The following SPPL3 variants were observed in gnomAD, a reference collection of about 807,000 sequenced individuals.
SPPL3 encodes the protein signal peptide peptidase like 3.
A neutral mutation model predicts 42.4 loss-of-function variants in SPPL3; 5 were observed. The observed-to-expected ratio is 0.12, with a 90% confidence interval of 0.06 to 0.25. The LOEUF (loss-of-function observed/expected upper bound fraction) is 0.25, where lower values mean the gene tolerates loss of function less well. Among genes scored for constraint, SPPL3 ranks in the 10% least tolerant of loss-of-function variants. The probability of loss-of-function intolerance (pLI) is 1.00; values close to 1 mark genes in which losing one functional copy is unlikely to be tolerated. For missense variants in SPPL3, 235 were observed against 489.0 expected, an observed-to-expected ratio of 0.48 and a Z score of 4.90; for synonymous variants, 195 against 181.8, an observed-to-expected ratio of 1.07 and a Z score of -0.58.
intron 1 of SPPL3, among the ~76,000 whole-genome samples, chr12:120,884,269 A>G (rs1336905034): frequency 2.0e-5 from 3 of 152,148 alleles, no homozygotes; most frequent in East Asian, 1.9e-4. Context: ...TGGTAATCCT[A>G]TAGTTTCTTT....
chr12:120,858,249 G>T (rs1174887257), intron 1 of SPPL3, among the ~76,000 whole-genome samples: 1 of 152,092 alleles, frequency 6.6e-6, no homozygotes, highest in East Asian at 1.9e-4. Context: ...AGGCCGAGGT[G>T]GTCAGAAGTT....
chr12:120,903,793 G>T, intron 1 of SPPL3, 52 bp downstream of exon 1: 1 of 1,369,790 alleles, frequency 7.3e-7, no homozygotes, highest in Non-Finnish European at 9.5e-7. Context: ...CCGCGCCGGC[G>T]CCCCGACCCC....
chr12:120,828,592 G>C (rs1474656663), intron 1 of SPPL3, among the ~76,000 whole-genome samples: 2 of 152,200 alleles, frequency 1.3e-5, no homozygotes, highest in Non-Finnish European at 2.9e-5. Context: ...GGGAAAAAAA[G>C]TTGGAGGATT....
At chr12:120,792,370 T>C (rs896391123) in intron 2 of SPPL3, among the ~76,000 whole-genome samples, 2 of 152,086 alleles carry the variant, frequency 1.3e-5, no homozygotes, top group African/African-American at 4.8e-5. Context: ...GAAGTATCTG[T>C]CCAAGTTCTT....
intron 1 of SPPL3, among the ~76,000 whole-genome samples, chr12:120,886,924 A>G (rs3897746): frequency 0.41 from 62,548 of 152,002 alleles, 14,470 homozygotes; most frequent in Middle Eastern, 0.56. Flanking sequence ...GTACTAAAAA[A>G]AGTTAAAATG....
chr12:120,782,533 G>A lies in SPPL3; in HGVS notation c.502+122C>T. Reference sequence around the variant, plus strand: ...TGACCGCTCATTTGTTTTGGCGGGGGTGGGTGTGAAAATGCTCTAAAAGTT... The same window carrying A: ...TGACCGCTCATTTGTTTTGGCGGGGATGGGTGTGAAAATGCTCTAAAAGTT... On this transcript the variant is annotated intron_variant, in intron 6 of 10. Coordinates refer to ENST00000353487, the MANE Select transcript of SPPL3 (RefSeq NM_139015.5). 1.0e-5 allele frequency: 7 copies of A among 691,732 alleles called. No individual in the cohort carries two copies. In the South Asian group the frequency reaches 1.4e-4, roughly 14 times the overall value. The allele number at this position is 691,732 out of a possible 1,614,324, so 42.8% of individuals were successfully genotyped here.
At chr12:120,830,007 A>G (rs1304045105) in intron 1 of SPPL3, among the ~76,000 whole-genome samples, 3 of 151,352 alleles carry the variant, frequency 2.0e-5, no homozygotes, top group Admixed American at 1.3e-4. Context: ...AAAAAAAAAA[A>G]AAGAAGAGTA....
At chr12:120,871,573 T>C (rs1872932999) in intron 1 of SPPL3, among the ~76,000 whole-genome samples, 1 of 152,054 alleles carries the variant, frequency 6.6e-6, no homozygotes, top group Non-Finnish European at 1.5e-5. Context: ...GCCAACGTGG[T>C]GAAACCCTGT....
At chr12:120,855,709 AAAG>A (rs1360697101) in intron 1 of SPPL3, among the ~76,000 whole-genome samples, 4 of 150,924 alleles carry the variant, frequency 2.7e-5, no homozygotes, top group Admixed American at 6.6e-5. Context: ...AAAAAAAAGA[AAAG>A]AAAAGAAAAA....
At chr12:120,791,639 T>C in intron 2 of SPPL3, 82 bp from the exon 3 acceptor site, 2 of 859,156 alleles carry the variant, frequency 2.3e-6, no homozygotes, top group Non-Finnish European at 3.7e-6. Flanking sequence ...TATTTTTAAA[T>C]GCCAAGGAAT....
intron 1 of SPPL3, among the ~76,000 whole-genome samples, chr12:120,866,288 G>A (rs1473678092): frequency 3.3e-5 from 5 of 151,916 alleles, no homozygotes; most frequent in Non-Finnish European, 7.3e-5. Flanking sequence ...GTGACCTAAG[G>A]TACCTCCGCC....
chr12:120,820,001 C>G (rs372999207), intron 1 of SPPL3, among the ~76,000 whole-genome samples: 15 of 152,238 alleles, frequency 9.9e-5, no homozygotes, highest in African/African-American at 3.6e-4. Context: ...ACTATGAAAA[C>G]CGTATGACCC....
chr12:120,843,103 A>G (rs1197133238), intron 1 of SPPL3, among the ~76,000 whole-genome samples: 2 of 152,164 alleles, frequency 1.3e-5, no homozygotes, highest in African/African-American at 2.4e-5. Flanking sequence ...CCTATGCTTC[A>G]TTCAACAGTG....
At chr12:120,818,012 A>G (rs534914811) in intron 1 of SPPL3, among the ~76,000 whole-genome samples, 1 of 152,326 alleles carries the variant, frequency 6.6e-6, no homozygotes, top group Admixed American at 6.5e-5. Flanking sequence ...AGTCTGGCCA[A>G]TAATAGGAAA....
intron 1 of SPPL3, among the ~76,000 whole-genome samples, chr12:120,862,091 T>C (rs1048047377): frequency 2.6e-5 from 4 of 152,208 alleles, no homozygotes; most frequent in African/African-American, 9.7e-5. Flanking sequence ...AGGACTCTTG[T>C]TGAGGACCCC....
intron 6 of SPPL3, among the ~76,000 whole-genome samples, chr12:120,774,725 A>C (rs1869250466): frequency 6.6e-6 from 1 of 151,842 alleles, no homozygotes; most frequent in East Asian, 1.9e-4. Flanking sequence ...CCTGCCTTTC[A>C]TTCTGTCATT....
chr12:120,819,356 C>T (rs1362342078), intron 1 of SPPL3, among the ~76,000 whole-genome samples: 2 of 152,180 alleles, frequency 1.3e-5, no homozygotes, highest in African/African-American at 2.4e-5. Context: ...AGTTATGCCG[C>T]TCTTCCAGAT....
At chr12:120,781,027 A>G (rs1209543735) in intron 6 of SPPL3, among the ~76,000 whole-genome samples, 2 of 152,214 alleles carry the variant, frequency 1.3e-5, no homozygotes, top group Non-Finnish European at 2.9e-5. Context: ...GGCTGGGATG[A>G]GCTAGTTCTC....
chr12:120,892,523 A>G (rs1404227742), intron 1 of SPPL3, among the ~76,000 whole-genome samples: 1 of 152,212 alleles, frequency 6.6e-6, no homozygotes, highest in African/African-American at 2.4e-5. Flanking sequence ...CCGTACATAA[A>G]AGAGGAAACA....
Sources: gnomAD v4.1 joint callset for allele counts (sites outside exome capture counted in the v4.1 genomes callset) on GRCh38, gnomAD v4.1.1 for gene constraint, MANE v1.5 for transcripts, NCBI Gene and HGNC (gene_info 2026-07-23, HGNC 2026-07-21) for gene names.